The following LIN28B variants were observed in gnomAD, a reference collection of about 807,000 sequenced individuals.
LIN28B encodes the protein lin-28 RNA binding posttranscriptional regulator B, also known as protein lin-28 homolog B.
LIN28B carries 5 observed loss-of-function variants against 21.9 expected under a neutral mutation model. That is an observed-to-expected ratio of 0.23 (90% CI 0.12 to 0.48). The LOEUF (loss-of-function observed/expected upper bound fraction) is 0.48. LIN28B is among the 20% of genes least tolerant of loss of function. The pLI, the probability that LIN28B is intolerant of heterozygous loss-of-function variation, is 0.98. For synonymous variants in LIN28B, 109 were observed against 111.3 expected (o/e 0.98, Z 0.13); for missense variants, 245 against 310.5 (o/e 0.79, Z 1.58).
intron 2 of LIN28B, among the ~76,000 whole-genome samples, chr6:104,982,040 C>G (rs376132737): frequency 6.6e-6 from 1 of 152,088 alleles, no homozygotes; most frequent in Non-Finnish European, 1.5e-5. Context: ...AGGGCTTGGG[C>G]GCAGTGGCTC....
chr6:104,951,093 TA>T (rs1178802526), intron 3 of LIN28B, among the ~76,000 whole-genome samples: 1 of 152,168 alleles, frequency 6.6e-6, no homozygotes, highest in Non-Finnish European at 1.5e-5. Flanking sequence ...TTTAATATTT[TA>T]AACCCAGACT....
intron 3 of LIN28B, among the ~76,000 whole-genome samples, chr6:105,030,592 C>CTTTTT (rs980799980): frequency 1.7e-3 from 178 of 106,558 alleles, no homozygotes; most frequent in Non-Finnish European, 2.3e-3. Context: ...TTCTTTCTTT[C>CTTTTT]TTTTTTTTTT....
chr6:105,073,819 T>A (rs1772376320), intron 3 of LIN28B, among the ~76,000 whole-genome samples: 1 of 152,242 alleles, frequency 6.6e-6, no homozygotes, highest in Non-Finnish European at 1.5e-5. Context: ...ACCATTGGAA[T>A]ATTATTTAAA....
At chr6:105,009,370 A>G (rs1770878282) in intron 2 of LIN28B, among the ~76,000 whole-genome samples, 1 of 152,180 alleles carries the variant, frequency 6.6e-6, no homozygotes, top group Non-Finnish European at 1.5e-5. Context: ...CCTGATCTCC[A>G]GAGTTTTAAA....
At chr6:105,004,204 G>A (rs1176853776) in intron 2 of LIN28B, among the ~76,000 whole-genome samples, 3 of 152,064 alleles carry the variant, frequency 2.0e-5, no homozygotes, top group Non-Finnish European at 4.4e-5. Flanking sequence ...CCAGATTAAG[G>A]GTGGGTCTGC....
intron 2 of LIN28B, among the ~76,000 whole-genome samples, chr6:104,989,288 C>T (rs1770410680): frequency 1.3e-5 from 2 of 152,206 alleles, no homozygotes; most frequent in South Asian, 2.1e-4. Context: ...GATGCAATCT[C>T]GGCTTACTGC....
intron 2 of LIN28B, among the ~76,000 whole-genome samples, chr6:104,937,346 G>A (rs923890638): frequency 5.3e-5 from 8 of 152,214 alleles, no homozygotes; most frequent in African/African-American, 1.7e-4. Flanking sequence ...CTGGGGTGCA[G>A]GGCCGCAGTC....
At chr6:105,028,883 G>T (rs1468532977) in intron 3 of LIN28B, among the ~76,000 whole-genome samples, 1 of 152,150 alleles carries the variant, frequency 6.6e-6, no homozygotes, top group Non-Finnish European at 1.5e-5. Flanking sequence ...AAGCCCTGGG[G>T]CACTCTAGCA....
chr6:104,938,362 AG>A (rs1387286696), intron 2 of LIN28B, among the ~76,000 whole-genome samples: 1 of 152,144 alleles, frequency 6.6e-6, no homozygotes, highest in African/African-American at 2.4e-5. Context: ...TGCCAAGGTC[AG>A]GCATGGTGGA....
chr6:105,014,672 A>G (rs529554732), intron 2 of LIN28B, among the ~76,000 whole-genome samples: 4 of 152,156 alleles, frequency 2.6e-5, no homozygotes, highest in South Asian at 2.1e-4. Flanking sequence ...CCAGGGGGTC[A>G]TGAACACCTG....
chr6:105,026,209 T>C (rs1771284470), intron 2 of LIN28B, 89 bp from the exon 3 acceptor site: 2 of 669,640 alleles, frequency 3.0e-6, no homozygotes, highest in East Asian at 5.9e-5. Flanking sequence ...ACAGAGTATC[T>C]TTCTTTTTTA....
intron 3 of LIN28B, among the ~76,000 whole-genome samples, chr6:105,051,801 C>T (rs768042559): frequency 5.9e-5 from 9 of 152,104 alleles, no homozygotes; most frequent in Non-Finnish European, 1.2e-4. Context: ...CTGTTCTAGG[C>T]ACTGAACATG....
At chr6:105,048,264 C>A (rs918475277) in intron 3 of LIN28B, among the ~76,000 whole-genome samples, 2 of 152,188 alleles carry the variant, frequency 1.3e-5, no homozygotes, top group Non-Finnish European at 2.9e-5. Context: ...TTTTCTGCAT[C>A]TATTGAGATA....
chr6:104,952,672 A>G (rs1166874535), upstream of LIN28B, among the ~76,000 whole-genome samples: 1 of 152,218 alleles, frequency 6.6e-6, no homozygotes, highest in Admixed American at 6.5e-5. Flanking sequence ...AAATTTTGAA[A>G]TGTAAAGGGA....
intron 2 of LIN28B, among the ~76,000 whole-genome samples, chr6:105,020,107 C>CTTTTTTTTTTTTTTTT (rs1158938023): frequency 4.6e-5 from 4 of 87,610 alleles, no homozygotes; most frequent in Non-Finnish European, 6.6e-5. Flanking sequence ...TCCTGTTATT[C>CTTTTTTTTTTTTTTTT]TTTTTTTTTT....
intron 2 of LIN28B, among the ~76,000 whole-genome samples, chr6:104,966,712 C>T (rs1769866632): frequency 6.6e-6 from 1 of 151,320 alleles, no homozygotes; most frequent in African/African-American, 2.4e-5. Flanking sequence ...AGCTCCGCCT[C>T]CCAGGTTCAC....
intron 2 of LIN28B, among the ~76,000 whole-genome samples, chr6:104,976,930 A>C (rs775141792): frequency 6.6e-6 from 1 of 152,028 alleles, no homozygotes; most frequent in Non-Finnish European, 1.5e-5. Context: ...TAAAGTATTC[A>C]CTCTCTCAGA....
intron 3 of LIN28B, among the ~76,000 whole-genome samples, chr6:105,047,634 T>G (rs1451825601): frequency 6.6e-6 from 1 of 152,356 alleles, no homozygotes; most frequent in South Asian, 2.1e-4. Context: ...ACGATATTGA[T>G]TCTTCCTATC....
At chr6:104,961,080 T>C (rs1297057774) in intron 2 of LIN28B, among the ~76,000 whole-genome samples, 1 of 152,204 alleles carries the variant, frequency 6.6e-6, no homozygotes. Context: ...CATTTGATTT[T>C]CTAATGTTAA....
Sources: allele counts gnomAD v4.1 joint callset (sites outside exome capture counted in the v4.1 genomes callset), GRCh38; gene constraint gnomAD v4.1.1; transcripts MANE v1.5; gene names NCBI Gene and HGNC (gene_info 2026-07-23, HGNC 2026-07-21).